The following FBXL13 variants were observed in gnomAD, a reference collection of about 807,000 sequenced individuals.
FBXL13 encodes F-box and leucine rich repeat protein 13.
In FBXL13, 67 loss-of-function variants were observed where a neutral mutation model predicts 83.6. The observed-to-expected ratio is 0.80, with a 90% CI of 0.66 to 0.98. The LOEUF is 0.98. Among genes scored for constraint, FBXL13 ranks in the 50% least tolerant of loss-of-function variants. FBXL13 has a pLI of 0.00. For synonymous variants in FBXL13, 272 were observed against 299.5 expected (o/e 0.91, Z 0.95); for missense variants, 822 against 866.5 (o/e 0.95, Z 0.64).
At chr7:102,853,776 A>G (rs981492860) in intron 17 of FBXL13, among the ~76,000 whole-genome samples, 1 of 152,242 alleles carries the variant, frequency 6.6e-6, no homozygotes. Context: ...AAAAATGCTC[A>G]TCATCACTGG....
intron 17 of FBXL13, among the ~76,000 whole-genome samples, chr7:102,848,541 G>A (rs1584604986): frequency 3.9e-5 from 1 of 25,602 alleles, no homozygotes; most frequent in African/African-American, 5.3e-4. Context: ...GGGCGACAGA[G>A]CGAGACTCCG....
At chr7:102,933,967 G>A (rs778069913) in intron 8 of FBXL13, 2 of 1,614,062 alleles carry the variant, frequency 1.2e-6, no homozygotes, top group East Asian at 2.2e-5. Context: ...CGGCTGAGCT[G>A]CGCAAAGCAA....
intron 6 of FBXL13, among the ~76,000 whole-genome samples, chr7:102,986,264 C>A (rs1441547713): frequency 6.6e-6 from 1 of 152,078 alleles, no homozygotes; most frequent in Non-Finnish European, 1.5e-5. Flanking sequence ...AGAAATTGGA[C>A]CAATCTATGA....
chr7:102,955,108 C>T (rs569941424), intron 8 of FBXL13, among the ~76,000 whole-genome samples: 2 of 152,274 alleles, frequency 1.3e-5, no homozygotes, highest in South Asian at 4.1e-4. Context: ...AGCACCACAT[C>T]GCACTTATTC....
intron 11 of FBXL13, among the ~76,000 whole-genome samples, chr7:102,893,193 T>C (rs1811753953): frequency 6.6e-6 from 1 of 152,244 alleles, no homozygotes; most frequent in South Asian, 2.1e-4. Flanking sequence ...CAATTTGTTC[T>C]TGTCATTTGT....
chr7:103,016,001 A>G (rs1014037248), intron 6 of FBXL13, among the ~76,000 whole-genome samples: 2 of 152,166 alleles, frequency 1.3e-5, no homozygotes, highest in African/African-American at 4.8e-5. Context: ...TGCAAGAAAG[A>G]AAACAGAGAT....
intron 16 of FBXL13, chr7:102,857,773 G>C (rs1038694289): frequency 1.3e-5 from 2 of 152,184 alleles, no homozygotes; most frequent in Non-Finnish European, 2.9e-5. Flanking sequence ...TCTCACCCCA[G>C]TTAGAATGGC....
intron 6 of FBXL13, among the ~76,000 whole-genome samples, chr7:103,012,695 T>TA (rs568327025): frequency 1.1e-3 from 169 of 152,134 alleles, no homozygotes; most frequent in African/African-American, 3.6e-3. Flanking sequence ...CCAGCCACTA[T>TA]AAAAAAACAC....
intron 2 of FBXL13, among the ~76,000 whole-genome samples, chr7:103,041,011 C>A (rs1168843313): frequency 2.0e-5 from 3 of 152,078 alleles, no homozygotes; most frequent in Non-Finnish European, 4.4e-5. Context: ...TCACAAAAAA[C>A]CCTTCGAAAA....
chr7:103,031,347 C>A (rs572581683), intron 2 of FBXL13: 1 of 152,254 alleles, frequency 6.6e-6, no homozygotes, highest in Non-Finnish European at 1.5e-5. Flanking sequence ...CTTCCTCTCA[C>A]CTTTTAATTC....
intron 16 of FBXL13, among the ~76,000 whole-genome samples, chr7:102,863,678 C>A (rs1221113822): frequency 6.6e-6 from 1 of 152,176 alleles, no homozygotes; most frequent in Non-Finnish European, 1.5e-5. Context: ...TTTGTCTTCT[C>A]TGTCACCCAG....
At position 103,027,479 on chromosome 7, in the gene FBXL13, T is replaced by C. The variant is rs115696307; in HGVS notation, c.297A>G (p.Arg99=). 688 of 1,613,154 alleles carry C rather than the reference T, an allele frequency of 4.3e-4. 5 individuals carry two copies. The African/African-American group carries it at 7.9e-3, about 18-fold the overall frequency. ...CATCTTCTTTCTTTTTACTCTTATGTCTTGCTGTATTCCGCCATTTTGTTA... is the reference window on the plus strand; with the variant it reads ...CATCTTCTTTCTTTTTACTCTTATGCCTTGCTGTATTCCGCCATTTTGTTA... Residue 99 remains arginine (R), a synonymous_variant, in exon 5 of 20, where the codon AGA becomes AGG. Transcript: ENST00000313221.
chr7:103,040,568 T>G (rs1436449334), intron 2 of FBXL13, among the ~76,000 whole-genome samples: 3 of 152,114 alleles, frequency 2.0e-5, no homozygotes, highest in Non-Finnish European at 4.4e-5. Context: ...GACCACATAA[T>G]TGGTAGTAAA....
At chr7:102,860,880 G>A (rs56921864) in intron 16 of FBXL13, among the ~76,000 whole-genome samples, 29,037 of 151,758 alleles carry the variant, frequency 0.19, 3,028 homozygotes, top group East Asian at 0.43. Flanking sequence ...ATAAACATTT[G>A]CCACATTTAT....
chr7:102,877,223 A>G lies in FBXL13; in HGVS notation c.1635+244T>C, dbSNP rs76653956. Among the ~76,000 whole-genome samples, 36 of 152,318 alleles carry G rather than the reference A, an allele frequency of 2.4e-4. No homozygotes were observed. The East Asian group carries it at 6.7e-3, about 29-fold the overall frequency. On this transcript the variant is annotated intron_variant, in intron 16 of 19. Coordinates refer to ENST00000313221, the Ensembl canonical transcript of FBXL13. The stretch of plus-strand genomic sequence containing the variant: ...GAAACAAATCTCAAATTATCATGAC[A>G]TACTCTTATCTGTCATGACTTTCCC...
At chr7:102,882,842 G>A (rs984960841) in intron 14 of FBXL13, among the ~76,000 whole-genome samples, 4 of 152,004 alleles carry the variant, frequency 2.6e-5, no homozygotes, top group African/African-American at 9.7e-5. Context: ...GTCCAATAGT[G>A]GCCCAGCTAA....
At chr7:102,812,068 G>A (rs867000463), downstream of FBXL13, among the ~76,000 whole-genome samples, 2 of 152,152 alleles carry the variant, frequency 1.3e-5, no homozygotes, top group African/African-American at 2.4e-5. Flanking sequence ...TTAACTCCAC[G>A]TGAGAGATAA....
chr7:102,830,657 A>G (rs1800500914), intron 18 of FBXL13, among the ~76,000 whole-genome samples: 1 of 152,188 alleles, frequency 6.6e-6, no homozygotes, highest in South Asian at 2.1e-4. Flanking sequence ...TTGCAGCACA[A>G]TTAGCTAACC....
chr7:102,824,086 C>T (rs965937528), intron 18 of FBXL13, among the ~76,000 whole-genome samples: 3 of 152,140 alleles, frequency 2.0e-5, no homozygotes, highest in South Asian at 2.1e-4. Flanking sequence ...CCTGACAGTT[C>T]CTGTAGATCA....
Sources: gnomAD v4.1 joint callset for allele counts (sites outside exome capture counted in the v4.1 genomes callset) on GRCh38, gnomAD v4.1.1 for gene constraint, MANE v1.5 for transcripts, NCBI Gene and HGNC (gene_info 2026-07-23, HGNC 2026-07-21) for gene names.